The following KSR2 variants were observed in gnomAD, a reference collection of about 807,000 sequenced individuals.
KSR2 encodes kinase suppressor of ras 2.
A neutral mutation model predicts 107.8 loss-of-function variants in KSR2; 25 were observed. The observed-to-expected ratio is 0.23, with a 90% CI of 0.17 to 0.32. KSR2 has a LOEUF of 0.32. Among genes scored for constraint, KSR2 ranks in the 10% least tolerant of loss-of-function variants. KSR2 has a pLI of 1.00. For missense variants in KSR2, 887 were observed against 1,268.9 expected, an observed-to-expected ratio of 0.70 and a Z score of 4.57; for synonymous variants, 480 against 507.0, an observed-to-expected ratio of 0.95 and a Z score of 0.71.
chr12:117,652,199 A>G (rs1335693501), intron 5 of KSR2, among the ~76,000 whole-genome samples: 1 of 152,142 alleles, frequency 6.6e-6, no homozygotes, highest in African/African-American at 2.4e-5. Context: ...GACTACAAAT[A>G]TGGTACAGTG....
rs2137270993 is a variant in KSR2, at chr12:117,867,288, C to T, written c.181-6857G>A. Among the ~76,000 whole-genome samples the T allele has an allele frequency of 2.0e-5, 3 of 151,976 alleles. No individual in the cohort carries two copies. In the South Asian group the frequency reaches 6.3e-4, roughly 32 times the overall value. ...CTGTGTTCATGCCACTGCACTACAG[C>T]CTGGGCAACAAAGCGAGACCTTGTA... is the stretch of plus-strand genomic sequence containing the variant. On this transcript the variant is annotated intron_variant, in intron 1 of 19. Transcript: ENST00000339824.
chr12:117,503,523 C>G (rs563575680), intron 14 of KSR2, among the ~76,000 whole-genome samples: 2 of 152,218 alleles, frequency 1.3e-5, no homozygotes, highest in Non-Finnish European at 2.9e-5. Flanking sequence ...GGATGATATG[C>G]AGACCCACTA....
At chr12:117,805,548 C>T (rs557740980) in intron 3 of KSR2, among the ~76,000 whole-genome samples, 1 of 152,320 alleles carries the variant, frequency 6.6e-6, no homozygotes, top group Non-Finnish European at 1.5e-5. Context: ...GCCTGGTACC[C>T]AATAACTGTT....
intron 1 of KSR2, among the ~76,000 whole-genome samples, chr12:117,919,091 T>C (rs1008841884): frequency 6.6e-5 from 10 of 152,188 alleles, no homozygotes; most frequent in Non-Finnish European, 1.5e-4. Context: ...TGAGCCATGA[T>C]CATGCCACTG....
At chr12:117,863,725 G>A (rs768925014) in intron 1 of KSR2, among the ~76,000 whole-genome samples, 17 of 152,160 alleles carry the variant, frequency 1.1e-4, no homozygotes, top group Non-Finnish European at 1.8e-4. Context: ...TCAGTCTCAC[G>A]GGGCTAAAGT....
intron 4 of KSR2, among the ~76,000 whole-genome samples, chr12:117,757,366 C>T (rs560932967): frequency 6.6e-6 from 1 of 152,296 alleles, no homozygotes; most frequent in Non-Finnish European, 1.5e-5. Flanking sequence ...AAAGTGGTTT[C>T]TTGAGATGGA....
chr12:117,652,843 A>G (rs1346896121), intron 5 of KSR2, among the ~76,000 whole-genome samples: 3 of 152,182 alleles, frequency 2.0e-5, no homozygotes, highest in Non-Finnish European at 4.4e-5. Flanking sequence ...TCTGATGTAC[A>G]GTGGGTCCAG....
chr12:117,851,316 T>C (rs1892914234), intron 3 of KSR2, among the ~76,000 whole-genome samples: 1 of 152,164 alleles, frequency 6.6e-6, no homozygotes, highest in Non-Finnish European at 1.5e-5. Flanking sequence ...TGACCAAGCA[T>C]GGGGACACAT....
Position 117,465,366 on chromosome 12 carries a change from A to C in KSR2, c.*1833T>G, listed in dbSNP as rs1436158559. The C allele has an allele frequency of 6.6e-6, 1 of 152,228 alleles. No individual in the cohort carries two copies. Among genetic ancestry groups the C allele is most frequent in the Non-Finnish European group, 1.5e-5 (1 of 68,066 alleles). The allele number at this position is 152,228 out of a possible 1,614,324, so 9.4% of individuals were successfully genotyped here. A position where few individuals can be genotyped will look rare whatever the true frequency, so the allele number is the denominator to read the frequency against. ...CCCAGAAGAGCAGTGTCTGCTTAGG[A>C]GCAGCCCAAGCCGGGGTCTTTAGTC... On this transcript the variant is annotated 3_prime_UTR_variant, in exon 20 of 20. Transcript: ENST00000339824.
intron 10 of KSR2, among the ~76,000 whole-genome samples, chr12:117,536,875 TA>T (rs1303765396): frequency 6.6e-6 from 1 of 152,278 alleles, no homozygotes; most frequent in Admixed American, 6.5e-5. Context: ...TTTCTGTATA[TA>T]AAGTCCTAGA....
At chr12:117,950,311 T>C (rs146563491) in intron 1 of KSR2, among the ~76,000 whole-genome samples, 235 of 152,162 alleles carry the variant, frequency 1.5e-3, no homozygotes, top group African/African-American at 5.5e-3. Context: ...ATAAGATAGA[T>C]TCATGGACAG....
chr12:117,958,281 T>A (rs1469277395), intron 1 of KSR2, among the ~76,000 whole-genome samples: 1 of 151,808 alleles, frequency 6.6e-6, no homozygotes, highest in Non-Finnish European at 1.5e-5. Flanking sequence ...ACACTCACAC[T>A]CAAAAAATAA....
chr12:117,464,206 A>G lies in KSR2; in HGVS notation c.*2993T>C, dbSNP rs1871041091. On this transcript the variant is annotated 3_prime_UTR_variant, in exon 20 of 20. Coordinates refer to ENST00000339824, the MANE Select transcript of KSR2 (RefSeq NM_173598.6). ...ATGTGCAAATCCACATGCCCTTTAA[A>G]GAAAGCTGAGATGTTTCTCTCTGCA... 1 of 152,232 alleles carries G rather than the reference A, an allele frequency of 6.6e-6. No homozygotes were observed. The highest frequency in any genetic ancestry group is 1.5e-5 in the Non-Finnish European group (1 of 68,044). 9.4% of individuals were successfully genotyped at this position (152,232 alleles called of 1,614,324 possible).
In KSR2 at chr12:117,718,279, AAGAGGATC is replaced by A. The variant is rs376560668; in HGVS notation, c.986+42724_986+42731del. Among the ~76,000 whole-genome samples, 275 of 152,332 alleles carry A rather than the reference AAGAGGATC, an allele frequency of 1.8e-3. 4 individuals carry two copies. Among genetic ancestry groups the A allele is most frequent in the African/African-American group, 6.4e-3 (267 of 41,572 alleles). ...AGCTCTTCTAAAGTTTGGGAATGCA[AAGAGGATC>A]ATAACAAAGGCATTTCCTCTGGAAC... On this transcript the variant is annotated intron_variant, in intron 4 of 19. Transcript: ENST00000339824.
chr12:117,660,227 G>A (rs1258588305), intron 5 of KSR2, among the ~76,000 whole-genome samples: 1 of 152,126 alleles, frequency 6.6e-6, no homozygotes, highest in Non-Finnish European at 1.5e-5. Context: ...GTTTCCTAGG[G>A]CTGCTATAAT....
intron 4 of KSR2, among the ~76,000 whole-genome samples, chr12:117,731,114 C>CCAG (rs1887661608): frequency 6.6e-6 from 1 of 151,214 alleles, no homozygotes. Flanking sequence ...GCGCCTCTGC[C>CCAG]CAGCCGCCCC....
At chr12:117,691,928 T>C (rs1048949496) in intron 4 of KSR2, among the ~76,000 whole-genome samples, 4 of 152,130 alleles carry the variant, frequency 2.6e-5, no homozygotes, top group African/African-American at 4.8e-5. Context: ...GATGAGAAAA[T>C]TGAGGCACAG....
intron 5 of KSR2, among the ~76,000 whole-genome samples, chr12:117,613,209 C>T (rs191813853): frequency 4.6e-5 from 7 of 152,348 alleles, no homozygotes; most frequent in East Asian, 1.9e-4. Context: ...TGTAATTCCA[C>T]GTAACCTCAC....
In KSR2 at chr12:117,761,416, T is replaced by A. The variant is rs762669441; in HGVS notation, c.581A>T (p.His194Leu). 9.3e-6 allele frequency: 15 copies of A among 1,609,104 alleles called. No individual in the cohort carries two copies. Among genetic ancestry groups the A allele is most frequent in the Non-Finnish European group, 1.2e-5 (14 of 1,178,776 alleles). ...PPEPTPWIRTHLSQSPRVPSK... is the reference protein window; with the variant it reads ...PPEPTPWIRTLLSQSPRVPSK... ...CGGGACCCTGGGGCTCTGGGAGAGA[T>A]GGGTGCGGATCCACGGGGTGGGCTC... is the stretch of plus-strand genomic sequence containing the variant. The change falls in exon 4 of 20, where the codon CAT becomes CTT. Residue 194 changes from histidine to leucine, a missense_variant. By Grantham distance (99) the His-to-Leu change is moderately conservative (BLOSUM62 -3). Around this residue, in one of 8 missense-constraint regions of KSR2, gnomAD observed 399 missense variants for 479.5 expected, o/e 0.83. Transcript: ENST00000339824.
Sources: allele counts gnomAD v4.1 joint callset (sites outside exome capture counted in the v4.1 genomes callset), GRCh38; gene constraint gnomAD v4.1.1; regional missense constraint gnomAD v4.1.1; transcripts MANE v1.5; gene names NCBI Gene and HGNC (gene_info 2026-07-23, HGNC 2026-07-21).